The following RBM47 variants were observed in gnomAD, a reference collection of about 807,000 sequenced individuals.
The protein encoded by RBM47 is RNA binding motif protein 47.
RBM47 carries 21 observed loss-of-function variants against 47.1 expected under a neutral mutation model. The observed-to-expected ratio is 0.45, with a 90% CI of 0.32 to 0.64. The LOEUF (loss-of-function observed/expected upper bound fraction) is 0.64, where lower values mean the gene tolerates loss of function less well. RBM47 is among the 30% of genes least tolerant of loss of function. The pLI, the probability that RBM47 is intolerant of heterozygous loss-of-function variation, is 0.05. For missense variants in RBM47, 708 were observed against 870.9 expected, an observed-to-expected ratio of 0.81 and a Z score of 2.35; for synonymous variants, 375 against 361.7, an observed-to-expected ratio of 1.04 and a Z score of -0.42.
intron 1 of RBM47, among the ~76,000 whole-genome samples, chr4:40,557,400 T>C (rs1019515153): frequency 6.6e-6 from 1 of 152,178 alleles, no homozygotes; most frequent in Non-Finnish European, 1.5e-5. Context: ...TATATGCTCA[T>C]CTGTGTTCCC....
intron 3 of RBM47, among the ~76,000 whole-genome samples, chr4:40,458,763 TC>T (rs1716663602): frequency 1.3e-5 from 2 of 151,530 alleles, no homozygotes; most frequent in Admixed American, 6.6e-5. Flanking sequence ...TGTTTTTTTT[TC>T]CCCCTTTTCT....
intron 5 of RBM47, among the ~76,000 whole-genome samples, chr4:40,435,329 A>G (rs973867232): frequency 2.0e-5 from 3 of 152,112 alleles, no homozygotes; most frequent in Non-Finnish European, 4.4e-5. Context: ...CGGGTGGCTC[A>G]CTTGAGGTCA....
chr4:40,453,700 T>A (rs1350476241), intron 3 of RBM47, among the ~76,000 whole-genome samples: 1 of 152,206 alleles, frequency 6.6e-6, no homozygotes, highest in African/African-American at 2.4e-5. Flanking sequence ...TCTGGAGAAG[T>A]GGCTGGAGAG....
At chr4:40,538,768 A>G (rs1728222903) in intron 2 of RBM47, among the ~76,000 whole-genome samples, 1 of 151,916 alleles carries the variant, frequency 6.6e-6, no homozygotes, top group Non-Finnish European at 1.5e-5. Context: ...CAAGTAGCTG[A>G]CATTACAGAT....
intron 2 of RBM47, among the ~76,000 whole-genome samples, chr4:40,527,436 A>ATTTTTTTTTTTTTTT (rs60524903): frequency 4.4e-4 from 46 of 104,706 alleles, no homozygotes; most frequent in African/African-American, 1.2e-3. Context: ...ACACCTGGCA[A>ATTTTTTTTTTTTTTT]TTTTTTTTTT....
chr4:40,630,085 T>C (rs1738100128), upstream of RBM47: 1 of 152,276 alleles, frequency 6.6e-6, no homozygotes, highest in Admixed American at 6.5e-5. Flanking sequence ...CACATTCCTG[T>C]TGTTTTTTAG....
intron 2 of RBM47, among the ~76,000 whole-genome samples, chr4:40,518,065 A>T (rs1266138949): frequency 1.3e-5 from 2 of 151,728 alleles, no homozygotes; most frequent in African/African-American, 4.8e-5. Flanking sequence ...TTTGTATTTC[A>T]ATGAGGATGA....
chr4:40,483,046 C>T lies in RBM47; in HGVS notation c.-154-16347G>A, dbSNP rs546749413. Reference sequence around the variant, plus strand: ...GCGATGGATCTATAAATACTGGTTACGCTATTAATGATTACAGGTGAAATT... The same window carrying T: ...GCGATGGATCTATAAATACTGGTTATGCTATTAATGATTACAGGTGAAATT... On this transcript the variant is annotated intron_variant, in intron 2 of 6. Transcript: ENST00000295971. Among the ~76,000 whole-genome samples, 15 of 152,236 alleles carry T rather than the reference C, an allele frequency of 9.9e-5. No individual in the cohort carries two copies. The South Asian group carries it at 2.3e-3, about 23-fold the overall frequency.
chr4:40,571,821 A>C (rs113094272), intron 1 of RBM47, among the ~76,000 whole-genome samples: 1 of 151,506 alleles, frequency 6.6e-6, no homozygotes, highest in Non-Finnish European at 1.5e-5. Context: ...GAGTTAGAGA[A>C]CAGCCTGGCC....
intron 2 of RBM47, among the ~76,000 whole-genome samples, chr4:40,518,648 C>T (rs536365980): frequency 2.0e-5 from 3 of 152,226 alleles, no homozygotes; most frequent in African/African-American, 7.2e-5. Flanking sequence ...TTCTCTTTGC[C>T]TGAGTCACAC....
At chr4:40,494,407 T>C (rs1722296134) in intron 2 of RBM47, among the ~76,000 whole-genome samples, 1 of 152,202 alleles carries the variant, frequency 6.6e-6, no homozygotes. Context: ...AGTTTGTCAG[T>C]AGAGACAAGT....
At chr4:40,605,278 G>A (rs1259755196) in intron 1 of RBM47, among the ~76,000 whole-genome samples, 1 of 151,916 alleles carries the variant, frequency 6.6e-6, no homozygotes, top group Non-Finnish European at 1.5e-5. Flanking sequence ...GCCCGCCTTG[G>A]CCTCCCAAAG....
chr4:40,511,838 G>A (rs1162748381), intron 2 of RBM47, among the ~76,000 whole-genome samples: 13 of 151,750 alleles, frequency 8.6e-5, no homozygotes, highest in African/African-American at 3.1e-4. Context: ...GGGAGGCTGA[G>A]GCAGGAGAAT....
chr4:40,593,497 AG>A (rs1356661309), intron 1 of RBM47, among the ~76,000 whole-genome samples: 4 of 152,138 alleles, frequency 2.6e-5, no homozygotes, highest in African/African-American at 2.4e-5. Context: ...TTTTCTCGGG[AG>A]GCCGAGGCAG....
At chr4:40,471,728 T>C (rs1342180874) in intron 2 of RBM47, among the ~76,000 whole-genome samples, 2 of 151,564 alleles carry the variant, frequency 1.3e-5, no homozygotes, top group Non-Finnish European at 2.9e-5. Flanking sequence ...TTATCACCCT[T>C]CTGCTTAAAC....
chr4:40,612,810 G>A (rs2154279664), intron 1 of RBM47, among the ~76,000 whole-genome samples: 1 of 152,264 alleles, frequency 6.6e-6, no homozygotes, highest in African/African-American at 2.4e-5. Context: ...GTCAAACCTA[G>A]AACCCATGTC....
chr4:40,470,822 A>T (rs1306399553), intron 2 of RBM47, among the ~76,000 whole-genome samples: 1 of 152,102 alleles, frequency 6.6e-6, no homozygotes, highest in Non-Finnish European at 1.5e-5. Flanking sequence ...GAATCGCTGC[A>T]GCCTCTGCTT....
chr4:40,534,063 C>T (rs1235602876), intron 2 of RBM47, among the ~76,000 whole-genome samples: 1 of 151,978 alleles, frequency 6.6e-6, no homozygotes, highest in African/African-American at 2.4e-5. Context: ...GATCCACATG[C>T]CTCGGCCTCC....
chr4:40,501,258 A>G (rs887133888), intron 2 of RBM47, among the ~76,000 whole-genome samples: 2 of 152,248 alleles, frequency 1.3e-5, no homozygotes, highest in African/African-American at 4.8e-5. Flanking sequence ...ATGGAGAAAC[A>G]TGAAGACAAA....
Sources: gnomAD v4.1 joint callset for allele counts (sites outside exome capture counted in the v4.1 genomes callset) on GRCh38, gnomAD v4.1.1 for gene constraint, MANE v1.5 for transcripts, NCBI Gene and HGNC (gene_info 2026-07-23, HGNC 2026-07-21) for gene names.